Variants in MEGF10 observed in about 807,000 individuals in gnomAD.
MEGF10 encodes the protein multiple EGF like domains 10.
A neutral mutation model predicts 147.5 loss-of-function variants in MEGF10; 86 were observed. That is an observed-to-expected ratio of 0.58 (90% CI 0.49 to 0.70). The LOEUF (loss-of-function observed/expected upper bound fraction) is 0.70. Ranked by LOEUF, MEGF10 falls within the 30% of genes least tolerant of loss-of-function variation. MEGF10 has a pLI of 0.00. For synonymous variants in MEGF10, 478 were observed against 525.5 expected, an observed-to-expected ratio of 0.91 and a Z score of 1.24; for missense variants, 1,329 against 1,487.3, an observed-to-expected ratio of 0.89 and a Z score of 1.75.
chr5:127,321,933 T>C (rs1284471334), intron 1 of MEGF10, among the ~76,000 whole-genome samples: 1 of 152,194 alleles, frequency 6.6e-6, no homozygotes, highest in Non-Finnish European at 1.5e-5. Context: ...CTTCTCCTTA[T>C]TATAATTTGA....
At chr5:127,454,100 T>TA (rs2127042743) in intron 22 of MEGF10, among the ~76,000 whole-genome samples, 1 of 152,346 alleles carries the variant, frequency 6.6e-6, no homozygotes, top group Non-Finnish European at 1.5e-5. Context: ...TGTAAAGTAT[T>TA]AGTCAACAGT....
chr5:127,346,555 G>T (rs766059314), intron 4 of MEGF10, among the ~76,000 whole-genome samples: 1 of 151,956 alleles, frequency 6.6e-6, no homozygotes, highest in Non-Finnish European at 1.5e-5. Flanking sequence ...TGATGGGATT[G>T]TTTGTTTGTT....
At chr5:127,257,728 C>A in the MEGF10 span, among the ~76,000 whole-genome samples, 1 of 152,166 alleles carries the variant, frequency 6.6e-6, no homozygotes, top group African/African-American at 2.4e-5. Flanking sequence ...ACCCCCAACA[C>A]TTTCAAGCAT....
chr5:127,240,620 T>A, the MEGF10 span, among the ~76,000 whole-genome samples: 1 of 152,254 alleles, frequency 6.6e-6, no homozygotes, highest in South Asian at 2.1e-4. Context: ...ATTGTCATAA[T>A]GCTCCTTGAA....
chr5:127,297,610 G>A (rs1759563789), intron 1 of MEGF10, among the ~76,000 whole-genome samples: 1 of 152,194 alleles, frequency 6.6e-6, no homozygotes, highest in African/African-American at 2.4e-5. Context: ...CAGCAAACAT[G>A]TGGTGGCAGG....
At chr5:127,316,281 C>T (rs1580703053) in intron 1 of MEGF10, among the ~76,000 whole-genome samples, 1 of 152,072 alleles carries the variant, frequency 6.6e-6, no homozygotes, top group South Asian at 2.1e-4. Flanking sequence ...GATATGAATA[C>T]CATGCCTGCA....
chr5:127,374,989 T>C (rs1485338886), intron 5 of MEGF10, among the ~76,000 whole-genome samples: 1 of 152,208 alleles, frequency 6.6e-6, no homozygotes, highest in Non-Finnish European at 1.5e-5. Context: ...CCTGCCTTTT[T>C]TCTGGTTGTT....
intron 1 of MEGF10, among the ~76,000 whole-genome samples, chr5:127,318,254 A>G (rs544048622): frequency 2.0e-5 from 3 of 152,244 alleles, no homozygotes; most frequent in African/African-American, 7.2e-5. Flanking sequence ...ACTGTGAGAA[A>G]TAAATTTCTG....
At chr5:127,365,138 CAGAT>C (rs1762609465) in intron 4 of MEGF10, among the ~76,000 whole-genome samples, 2 of 152,228 alleles carry the variant, frequency 1.3e-5, no homozygotes, top group South Asian at 2.1e-4. Context: ...CTTCTGGTGA[CAGAT>C]AGGTTAGCTG....
At chr5:127,257,614 G>A in the MEGF10 span, among the ~76,000 whole-genome samples, 3 of 152,172 alleles carry the variant, frequency 2.0e-5, no homozygotes, top group African/African-American at 4.8e-5. Flanking sequence ...TGCCAAGGGA[G>A]AAAAGTCTCA....
At chr5:127,331,447 G>A in intron 2 of MEGF10, 23 bp downstream of exon 2, 1 of 1,406,990 alleles carries the variant, frequency 7.1e-7, no homozygotes, top group African/African-American at 1.4e-5. Flanking sequence ...AAAGGAGCCT[G>A]ACAAAGAATT....
chr5:127,429,228 A>G (rs1447007925), intron 13 of MEGF10, among the ~76,000 whole-genome samples: 1 of 152,200 alleles, frequency 6.6e-6, no homozygotes, highest in Non-Finnish European at 1.5e-5. Context: ...TTAAGATGTC[A>G]TATAATTCCT....
At chr5:127,296,825 A>G (rs1759523614) in intron 1 of MEGF10, among the ~76,000 whole-genome samples, 1 of 152,238 alleles carries the variant, frequency 6.6e-6, no homozygotes, top group Non-Finnish European at 1.5e-5. Context: ...AAAACAAAAA[A>G]ATTTAAATAT....
At chr5:127,445,161 G>A (rs761217702) in intron 19 of MEGF10, 26 of 388,186 alleles carry the variant, frequency 6.7e-5, no homozygotes, top group Non-Finnish European at 1.1e-4. Context: ...CTAACTGCTA[G>A]GCTAGATCAG....
the MEGF10 span, among the ~76,000 whole-genome samples, chr5:127,253,109 T>C: frequency 1.3e-5 from 2 of 152,114 alleles, no homozygotes; most frequent in South Asian, 4.1e-4. Context: ...AAAAGTGATT[T>C]AACACTTTGA....
At chr5:127,380,067 GT>G (rs5871252) in intron 5 of MEGF10, among the ~76,000 whole-genome samples, 18 of 147,552 alleles carry the variant, frequency 1.2e-4, no homozygotes, top group African/African-American at 1.7e-4. Flanking sequence ...TTGTTAACTT[GT>G]TTTTTTTTTT....
chr5:127,293,105 G>C (rs1759334398), intron 1 of MEGF10, among the ~76,000 whole-genome samples: 1 of 152,192 alleles, frequency 6.6e-6, no homozygotes, highest in African/African-American at 2.4e-5. Flanking sequence ...GTATAAACTT[G>C]TGTTGAGAGG....
the MEGF10 span, among the ~76,000 whole-genome samples, chr5:127,247,353 GAAGAAGAAGAAGAAGAAGAAGAAGAAGA>G: frequency 4.9e-4 from 1 of 2,030 alleles, no homozygotes; most frequent in East Asian, 0.018. Flanking sequence ...AGAAGAAGAA[GAAGAAGAAGAAGAAGAAGAAGAAGAAGA>G]AGAAGAAGAA....
intron 5 of MEGF10, among the ~76,000 whole-genome samples, chr5:127,380,284 T>C (rs1763199921): frequency 1.3e-5 from 2 of 152,034 alleles, no homozygotes; most frequent in Non-Finnish European, 2.9e-5. Flanking sequence ...GAGAGATGAG[T>C]AAGACACTGC....
Sources: gnomAD v4.1 joint callset for allele counts (sites outside exome capture counted in the v4.1 genomes callset) on GRCh38, gnomAD v4.1.1 for gene constraint, MANE v1.5 for transcripts, NCBI Gene and HGNC (gene_info 2026-07-23, HGNC 2026-07-21) for gene names.